Variants in SPATS2L observed in about 807,000 individuals in gnomAD.
The protein encoded by SPATS2L is spermatogenesis associated serine rich 2 like.
A neutral mutation model predicts 59.6 loss-of-function variants in SPATS2L; 30 were observed. That is an observed-to-expected ratio of 0.50 (90% CI 0.38 to 0.68). The LOEUF (loss-of-function observed/expected upper bound fraction) is 0.68, where lower values mean the gene tolerates loss of function less well. SPATS2L is among the 30% of genes least tolerant of loss of function. SPATS2L has a pLI of 0.00. For missense variants in SPATS2L, 615 were observed against 700.0 expected, an observed-to-expected ratio of 0.88 and a Z score of 1.37; for synonymous variants, 252 against 263.5, an observed-to-expected ratio of 0.96 and a Z score of 0.42.
intron 12 of SPATS2L, among the ~76,000 whole-genome samples, chr2:200,473,302 C>T (rs779151229): frequency 6.6e-6 from 1 of 152,112 alleles, no homozygotes; most frequent in African/African-American, 2.4e-5. Context: ...CTCTTGACCA[C>T]GTGAGCAGAG....
intron 2 of SPATS2L, among the ~76,000 whole-genome samples, chr2:200,365,058 G>A (rs2081226335): frequency 6.6e-6 from 1 of 152,192 alleles, no homozygotes; most frequent in African/African-American, 2.4e-5. Flanking sequence ...CCTGGTGTAA[G>A]TGAATAAAGT....
intron 12 of SPATS2L, among the ~76,000 whole-genome samples, chr2:200,474,161 T>G (rs2087312109): frequency 6.6e-6 from 1 of 151,616 alleles, no homozygotes; most frequent in African/African-American, 2.4e-5. Flanking sequence ...TCTTGTTGGG[T>G]TTTGCTGTCT....
intron 3 of SPATS2L, among the ~76,000 whole-genome samples, chr2:200,409,208 T>C (rs1227006373): frequency 1.3e-5 from 2 of 152,244 alleles, no homozygotes; most frequent in Admixed American, 6.5e-5. Context: ...GTATGCAAAC[T>C]ACTATTAGTC....
At chr2:200,369,843 T>G (rs2081374188) in intron 2 of SPATS2L, among the ~76,000 whole-genome samples, 2 of 152,192 alleles carry the variant, frequency 1.3e-5, no homozygotes, top group South Asian at 4.1e-4. Context: ...ATTATACAGA[T>G]TTGTTTTAGT....
chr2:200,407,557 A>C (rs532631770), intron 3 of SPATS2L, among the ~76,000 whole-genome samples: 77 of 152,222 alleles, frequency 5.1e-4, no homozygotes, highest in African/African-American at 1.8e-3. Context: ...GGGCTCAACC[A>C]ATGTCTGTCT....
intron 2 of SPATS2L, among the ~76,000 whole-genome samples, chr2:200,387,536 G>A (rs778999213): frequency 4.6e-5 from 7 of 152,292 alleles, no homozygotes; most frequent in Middle Eastern, 6.8e-3. Context: ...TTAACATTGC[G>A]TATTACCAAG....
intron 11 of SPATS2L, among the ~76,000 whole-genome samples, chr2:200,471,059 C>T (rs2086991441): frequency 6.6e-6 from 1 of 152,046 alleles, no homozygotes; most frequent in Non-Finnish European, 1.5e-5. Context: ...ACTTGGGAGG[C>T]TGAGGCAGGA....
At chr2:200,374,781 C>G (rs549442291) in intron 2 of SPATS2L, among the ~76,000 whole-genome samples, 1 of 152,266 alleles carries the variant, frequency 6.6e-6, no homozygotes, top group South Asian at 2.1e-4. Context: ...AACAAGTAAT[C>G]AAAACCTAAT....
chr2:200,307,060 T>G, intron 1 of SPATS2L, 138 bp downstream of exon 1: 1 of 723,838 alleles, frequency 1.4e-6, no homozygotes, highest in Non-Finnish European at 1.7e-6. Context: ...CTCCGCCGCC[T>G]CCCGGAGCGC....
At chr2:200,362,611 A>G (rs536337264) in intron 2 of SPATS2L, among the ~76,000 whole-genome samples, 3 of 152,286 alleles carry the variant, frequency 2.0e-5, no homozygotes, top group South Asian at 4.1e-4. Context: ...AAGATACTTA[A>G]TTGCAAGGGA....
At chr2:200,387,449 A>G (rs909745673) in intron 2 of SPATS2L, among the ~76,000 whole-genome samples, 1 of 152,228 alleles carries the variant, frequency 6.6e-6, no homozygotes, top group Non-Finnish European at 1.5e-5. Flanking sequence ...TTATAAAAAT[A>G]AAATGTTACT....
intron 6 of SPATS2L, among the ~76,000 whole-genome samples, 167 bp from the exon 7 acceptor site, chr2:200,438,955 C>T (rs961359092): frequency 6.6e-6 from 1 of 152,134 alleles, no homozygotes; most frequent in African/African-American, 2.4e-5. Context: ...TCTAGTACAC[C>T]CTCTAATCTT....
At chr2:200,468,401 T>A (rs1174735670) in intron 10 of SPATS2L, among the ~76,000 whole-genome samples, 1 of 47,746 alleles carries the variant, frequency 2.1e-5, no homozygotes, top group East Asian at 1.4e-3. Context: ...TCTTACCCAC[T>A]TCCAGGAAAC....
chr2:200,476,274 C>G (rs1416755480), intron 12 of SPATS2L, among the ~76,000 whole-genome samples: 1 of 151,760 alleles, frequency 6.6e-6, no homozygotes, highest in Non-Finnish European at 1.5e-5. Flanking sequence ...AATGAATTAC[C>G]TCTGTGAAAA....
At chr2:200,339,535 A>G (rs912816803) in intron 2 of SPATS2L, among the ~76,000 whole-genome samples, 4 of 152,228 alleles carry the variant, frequency 2.6e-5, no homozygotes, top group Non-Finnish European at 5.9e-5. Flanking sequence ...ATTATATTTA[A>G]TTAGTCATTC....
chr2:200,403,435 C>T (rs941898550), intron 3 of SPATS2L, among the ~76,000 whole-genome samples: 2 of 152,180 alleles, frequency 1.3e-5, no homozygotes. Context: ...AGGGGTTATA[C>T]TTACACACCA....
chr2:200,474,871 G>T (rs1454486498), intron 12 of SPATS2L, among the ~76,000 whole-genome samples: 2 of 152,022 alleles, frequency 1.3e-5, no homozygotes, highest in East Asian at 3.9e-4. Context: ...TGACCCTCCC[G>T]CAGCCATGGC....
intron 1 of SPATS2L, among the ~76,000 whole-genome samples, chr2:200,316,024 CAAAAAAA>C (rs369862567): frequency 1.2e-4 from 6 of 49,814 alleles, no homozygotes; most frequent in African/African-American, 4.8e-4. Context: ...GACTCCATCT[CAAAAAAA>C]AAAAAAAAAA....
intron 1 of SPATS2L, among the ~76,000 whole-genome samples, chr2:200,325,217 AT>A (rs749934939): frequency 1.3e-5 from 2 of 152,136 alleles, no homozygotes; most frequent in Admixed American, 6.5e-5. Context: ...AACATGGAAA[AT>A]ATTTTTATTG....
Sources: gnomAD v4.1 joint callset for allele counts (sites outside exome capture counted in the v4.1 genomes callset) on GRCh38, gnomAD v4.1.1 for gene constraint, MANE v1.5 for transcripts, NCBI Gene and HGNC (gene_info 2026-07-23, HGNC 2026-07-21) for gene names.